UNC13C: variants seen among roughly 807,000 people sequenced by gnomAD.
The protein encoded by UNC13C is protein unc-13 homolog C.
UNC13C carries 174 observed loss-of-function variants against 245.4 expected under a neutral mutation model. The observed-to-expected ratio is 0.71, with a 90% CI of 0.63 to 0.80. The LOEUF (loss-of-function observed/expected upper bound fraction) is 0.80, where lower values mean the gene tolerates loss of function less well. UNC13C is among the 30% of genes least tolerant of loss of function. UNC13C has a pLI of 0.00. For missense variants in UNC13C, 2,829 were observed against 2,602.9 expected (o/e 1.09, Z -1.89); for synonymous variants, 992 against 895.1 (o/e 1.11, Z -1.93).
intron 2 of UNC13C, among the ~76,000 whole-genome samples, chr15:54,115,383 TG>T (rs1215915951): frequency 2.0e-5 from 3 of 152,132 alleles, no homozygotes; most frequent in Non-Finnish European, 4.4e-5. Context: ...ACTGTGGTTT[TG>T]TGCTGCTGTT....
chr15:54,050,853 T>G (rs971662922), intron 2 of UNC13C: 1 of 569,114 alleles, frequency 1.8e-6, no homozygotes, highest in Non-Finnish European at 3.5e-6. Flanking sequence ...TTTGGTTCTC[T>G]TAAAAGAGAT....
the UNC13C span, among the ~76,000 whole-genome samples, chr15:53,859,887 A>T: frequency 6.6e-6 from 1 of 152,044 alleles, no homozygotes; most frequent in African/African-American, 2.4e-5. Context: ...GTTTTGGACT[A>T]TGTGTTCTCC....
chr15:54,076,810 G>A (rs1344702099), intron 2 of UNC13C, among the ~76,000 whole-genome samples: 17 of 152,122 alleles, frequency 1.1e-4, no homozygotes, highest in Admixed American at 1.1e-3. Context: ...TAGGAATAAA[G>A]GGGGAAAAAT....
intron 7 of UNC13C, among the ~76,000 whole-genome samples, chr15:54,238,740 A>G (rs1421034240): frequency 6.6e-6 from 1 of 152,182 alleles, no homozygotes; most frequent in Admixed American, 6.5e-5. Context: ...TTCTACCACT[A>G]TGGCTTAGCA....
At chr15:54,592,557 T>G (rs1898850527) in intron 30 of UNC13C, among the ~76,000 whole-genome samples, 1 of 152,196 alleles carries the variant, frequency 6.6e-6, no homozygotes, top group African/African-American at 2.4e-5. Flanking sequence ...CTGTCCCTTT[T>G]TGTCTCTTTT....
chr15:54,510,843 G>A (rs553174429), intron 23 of UNC13C, among the ~76,000 whole-genome samples: 40 of 152,022 alleles, frequency 2.6e-4, no homozygotes, highest in African/African-American at 8.9e-4. Flanking sequence ...CTGGCTCTTA[G>A]GAATCAATAT....
rs555427706 is a variant in UNC13C at position 54,200,293 on chromosome 15, G to C, written c.3072-34737G>C. ...GTCATCAAGACGGAAACTCAGCAAAGAAACAATGGACTTAAACTATACCCT... is the reference window on the plus strand; with the variant it reads ...GTCATCAAGACGGAAACTCAGCAAACAAACAATGGACTTAAACTATACCCT... On this transcript the variant is annotated intron_variant, in intron 4 of 32. Coordinates refer to ENST00000260323, the MANE Select transcript of UNC13C (RefSeq NM_001080534.3). Among the ~76,000 whole-genome samples the C allele has an allele frequency of 1.1e-4, 17 of 152,162 alleles. No individual in the cohort carries two copies. The East Asian group carries it at 2.9e-3, about 26-fold the overall frequency.
At chr15:54,598,059 G>T (rs762270266) in intron 30 of UNC13C, among the ~76,000 whole-genome samples, 16 of 152,156 alleles carry the variant, frequency 1.1e-4, no homozygotes, top group African/African-American at 3.4e-4. Flanking sequence ...CAGGCATATT[G>T]TAGAAGACTC....
chr15:54,236,554 T>G lies in UNC13C; in HGVS notation c.3156+119T>G, dbSNP rs1403414377. ...AAATGAAAAGACAGACATACAAGAATAAGAAGTTTGTTCTGCAAGAATTTA... is the reference window on the plus strand; with the variant it reads ...AAATGAAAAGACAGACATACAAGAAGAAGAAGTTTGTTCTGCAAGAATTTA... On this transcript the variant is annotated intron_variant, in intron 6 of 32. Transcript: ENST00000260323. The G allele has an allele frequency of 2.4e-5, 19 of 783,144 alleles. No homozygotes were observed. In the East Asian group the frequency reaches 4.8e-4, roughly 20 times the overall value. 48.5% of individuals were successfully genotyped at this position (783,144 alleles called of 1,614,324 possible). A position where few individuals can be genotyped will look rare whatever the true frequency, so the allele number is the denominator to read the frequency against.
At chr15:54,287,200 T>C (rs1288860767) in intron 10 of UNC13C, among the ~76,000 whole-genome samples, 13 of 152,166 alleles carry the variant, frequency 8.5e-5, no homozygotes, top group Non-Finnish European at 1.0e-4. Context: ...TTTCCTCTTG[T>C]ATGTGAGGAT....
chr15:53,857,774 G>A, the UNC13C span, among the ~76,000 whole-genome samples: 1 of 152,112 alleles, frequency 6.6e-6, no homozygotes, highest in African/African-American at 2.4e-5. Flanking sequence ...TGATTAGGAG[G>A]AAAATTATCT....
At chr15:54,571,979 AT>A (rs547542744) in intron 30 of UNC13C, among the ~76,000 whole-genome samples, 181 of 152,118 alleles carry the variant, frequency 1.2e-3, no homozygotes, top group African/African-American at 3.5e-3. Flanking sequence ...TTACTTACTT[AT>A]TTTTTTAGCT....
chr15:54,518,459 C>T lies in UNC13C; in HGVS notation c.5457+6629C>T, dbSNP rs544697693. 1.2e-3 allele frequency among the ~76,000 whole-genome samples: 183 copies of T among 152,260 alleles called. 1 individual carries two copies. Among genetic ancestry groups the T allele is most frequent in the African/African-American group, 4.2e-3 (176 of 41,554 alleles). ...AAAACTTAAGGAGAAAGGACACATG[C>T]CCCAGCAAGGAAGGAGAGGGAGACG... On this transcript the variant is annotated intron_variant, in intron 24 of 32. Coordinates refer to ENST00000260323, the MANE Select transcript of UNC13C (RefSeq NM_001080534.3).
Position 54,351,197 on chromosome 15 carries a change from TC to T in UNC13C, c.4713+12710del, listed in dbSNP as rs139349613. On this transcript the variant is annotated intron_variant, in intron 17 of 32. Transcript: ENST00000260323. ...GTTTGACTCTAGTATTTCCCAAATT[TC>T]CTGCTGCTAAAGGGTTCTTGGCTAC... Among the ~76,000 whole-genome samples the T allele has an allele frequency of 4.1e-3, 625 of 152,258 alleles. 26 individuals carry two copies. In the East Asian group the frequency reaches 0.087, roughly 21 times the overall value.
chr15:54,396,990 C>T (rs577443138), intron 18 of UNC13C, among the ~76,000 whole-genome samples: 1 of 150,860 alleles, frequency 6.6e-6, no homozygotes, highest in African/African-American at 2.4e-5. Context: ...CTTACTAGTG[C>T]CTTCTGAAGA....
At chr15:54,029,679 C>G (rs1896273644) in intron 2 of UNC13C, among the ~76,000 whole-genome samples, 1 of 152,150 alleles carries the variant, frequency 6.6e-6, no homozygotes, top group Non-Finnish European at 1.5e-5. Context: ...CATAAAATGG[C>G]ACTTATGCAG....
At chr15:54,068,761 T>C (rs981343727) in intron 2 of UNC13C, among the ~76,000 whole-genome samples, 1 of 152,228 alleles carries the variant, frequency 6.6e-6, no homozygotes, top group Non-Finnish European at 1.5e-5. Context: ...TTAACTGTAG[T>C]AGTCAGTTTC....
At chr15:54,263,821 T>C (rs1449779655) in intron 8 of UNC13C, among the ~76,000 whole-genome samples, 1 of 152,188 alleles carries the variant, frequency 6.6e-6, no homozygotes, top group Non-Finnish European at 1.5e-5. Flanking sequence ...TGAAGAAATA[T>C]GTGTGGTATG....
intron 2 of UNC13C, among the ~76,000 whole-genome samples, chr15:54,138,345 A>C (rs2031837852): frequency 6.6e-6 from 1 of 152,154 alleles, no homozygotes; most frequent in South Asian, 2.1e-4. Context: ...AAAATATAAG[A>C]GAATATGAAT....
Sources: gnomAD v4.1 joint callset for allele counts (sites outside exome capture counted in the v4.1 genomes callset) on GRCh38, gnomAD v4.1.1 for gene constraint, MANE v1.5 for transcripts, NCBI Gene and HGNC (gene_info 2026-07-23, HGNC 2026-07-21) for gene names.